Variants in KRABD2 observed in about 807,000 individuals in gnomAD.
KRABD2 encodes the protein KRAB domain containing 2.
chr17:8,366,256 T>C, the KRABD2 span, among the ~76,000 whole-genome samples: 2 of 152,184 alleles, frequency 1.3e-5, no homozygotes, highest in Non-Finnish European at 2.9e-5. Flanking sequence ...CTCTTAGGCA[T>C]TGGGAACATA....
the KRABD2 span, among the ~76,000 whole-genome samples, chr17:8,360,617 G>A: frequency 8.4e-4 from 128 of 152,148 alleles, 1 homozygote; most frequent in African/African-American, 2.9e-3. Context: ...AGCTTGTTTT[G>A]CCATCCGTCA....
chr17:8,363,859 ATATTTATT>A, the KRABD2 span, among the ~76,000 whole-genome samples: 1,259 of 74,554 alleles, frequency 0.017, 29 homozygotes, highest in East Asian at 0.054. Flanking sequence ...ATATATATAT[ATATTTATT>A]TATTTATTTA....
At chr17:8,362,728 G>T in the KRABD2 span, among the ~76,000 whole-genome samples, 1 of 152,214 alleles carries the variant, frequency 6.6e-6, no homozygotes, top group African/African-American at 2.4e-5. The surrounding 1 kb of genome is among the most constrained non-coding windows in gnomAD (Gnocchi z 4.2). Flanking sequence ...TGGCAGGTTG[G>T]TTCTGTCTGT....
At chr17:8,370,205 A>C in the KRABD2 span, 3 of 1,613,128 alleles carry the variant, frequency 1.9e-6, no homozygotes, top group Non-Finnish European at 2.5e-6. Context: ...TTATTGTTTG[A>C]AAGTACTTTT....
the KRABD2 span, among the ~76,000 whole-genome samples, chr17:8,363,199 T>C: frequency 6.6e-6 from 1 of 152,020 alleles, no homozygotes; most frequent in Non-Finnish European, 1.5e-5. Context: ...GAAGAATATG[T>C]TAGGGGAGAT....
chr17:8,361,898 G>T, the KRABD2 span, among the ~76,000 whole-genome samples: 2 of 152,202 alleles, frequency 1.3e-5, no homozygotes, highest in African/African-American at 4.8e-5. Context: ...ACTTAGGTTT[G>T]AACCCTGGGC....
chr17:8,363,787 C>CAT, the KRABD2 span, among the ~76,000 whole-genome samples: 161 of 133,652 alleles, frequency 1.2e-3, no homozygotes, highest in African/African-American at 3.9e-3. Context: ...ATATGTCATA[C>CAT]ATATATATCA....
chr17:8,372,854 A>C, the KRABD2 span, among the ~76,000 whole-genome samples: 2 of 152,240 alleles, frequency 1.3e-5, no homozygotes, highest in Non-Finnish European at 2.9e-5. This position sits in a 1 kb window ranked among gnomAD's most constrained non-coding sequence, Gnocchi z 4.1. Context: ...GCTTGAGGCC[A>C]GGAGTTCAAG....
At chr17:8,366,145 A>C in the KRABD2 span, among the ~76,000 whole-genome samples, 1 of 151,940 alleles carries the variant, frequency 6.6e-6, no homozygotes, top group African/African-American at 2.4e-5. Flanking sequence ...AAAATAATAA[A>C]ATAAAAATAA....
At chr17:8,375,789 C>T in the KRABD2 span, 1 of 705,874 alleles carries the variant, frequency 1.4e-6, no homozygotes, top group Non-Finnish European at 1.9e-6. Flanking sequence ...AGAAATGTGA[C>T]CGTAAATCAA....
the KRABD2 span, chr17:8,369,415 C>T: frequency 1.1e-5 from 17 of 1,614,106 alleles, no homozygotes; most frequent in South Asian, 3.3e-5. Context: ...AAGGAAACGT[C>T]GAAAGCCTGA....
the KRABD2 span, among the ~76,000 whole-genome samples, chr17:8,363,982 C>T: frequency 6.6e-6 from 1 of 151,376 alleles, no homozygotes; most frequent in African/African-American, 2.4e-5. Context: ...GATTCTCCTG[C>T]CTCAGCCTCC....
At chr17:8,367,957 CAAAA>C in the KRABD2 span, among the ~76,000 whole-genome samples, 2 of 86,496 alleles carry the variant, frequency 2.3e-5, no homozygotes, top group Admixed American at 1.3e-4. Context: ...AAGTTAAGAG[CAAAA>C]AAAAAAAAAA....
chr17:8,363,852 T>TATATACAC, the KRABD2 span, among the ~76,000 whole-genome samples: 1 of 89,176 alleles, frequency 1.1e-5, no homozygotes, highest in Non-Finnish European at 2.3e-5. Context: ...TATATATATA[T>TATATACAC]ATATATATAT....
chr17:8,367,955 A>G, the KRABD2 span, among the ~76,000 whole-genome samples: 4 of 128,522 alleles, frequency 3.1e-5, no homozygotes, highest in East Asian at 2.3e-4. Flanking sequence ...AAAAGTTAAG[A>G]GCAAAAAAAA....
the KRABD2 span, among the ~76,000 whole-genome samples, chr17:8,359,244 G>A: frequency 6.6e-6 from 1 of 152,218 alleles, no homozygotes; most frequent in East Asian, 1.9e-4. Context: ...AGTTGTACAT[G>A]TACTGGGGAG....
the KRABD2 span, chr17:8,372,058 A>G: frequency 1.0e-6 from 1 of 985,600 alleles, no homozygotes; most frequent in African/African-American, 1.7e-5. This position sits in a 1 kb window ranked among gnomAD's most constrained non-coding sequence, Gnocchi z 4.1. Flanking sequence ...TGTCAGATGC[A>G]GAGCGGAGGG....
chr17:8,367,886 C>T, the KRABD2 span, among the ~76,000 whole-genome samples: 6 of 149,908 alleles, frequency 4.0e-5, no homozygotes, highest in African/African-American at 1.5e-4. Context: ...TGTCCTGTGA[C>T]CCTGCCAAAT....
At chr17:8,371,233 T>G in the KRABD2 span, 2 of 1,246,220 alleles carry the variant, frequency 1.6e-6, no homozygotes, top group Non-Finnish European at 2.3e-6. Context: ...AAGAAAGCTG[T>G]GGGGATATTT....
Sources: allele counts gnomAD v4.1 joint callset (sites outside exome capture counted in the v4.1 genomes callset), GRCh38; gene constraint gnomAD v4.1.1; non-coding constraint Gnocchi (gnomAD v3.1); transcripts MANE v1.5; gene names NCBI Gene and HGNC (gene_info 2026-07-23, HGNC 2026-07-21).